The following CDC7 variants were observed in gnomAD, a reference collection of about 807,000 sequenced individuals.
The protein encoded by CDC7 is cell division cycle 7-related protein kinase.
A neutral mutation model predicts 53.5 loss-of-function variants in CDC7; 34 were observed. That is an observed-to-expected ratio of 0.64 (90% CI 0.48 to 0.85). The LOEUF is 0.85. CDC7 is among the 40% of genes least tolerant of loss of function. The pLI is 0.00. For synonymous variants in CDC7, 211 were observed against 222.8 expected (o/e 0.95, Z 0.47); for missense variants, 594 against 679.7 (o/e 0.87, Z 1.40).
intron 6 of CDC7, 84 bp from the exon 7 acceptor site, chr1:91,512,974 T>C: frequency 8.9e-7 from 1 of 1,126,266 alleles, no homozygotes; most frequent in Non-Finnish European, 1.3e-6. Context: ...ATTACAGTTT[T>C]TATGAGGATG....
chr1:91,517,016 G>C (rs896137232), intron 10 of CDC7, among the ~76,000 whole-genome samples: 6 of 152,072 alleles, frequency 3.9e-5, no homozygotes, highest in Non-Finnish European at 5.9e-5. Flanking sequence ...AGTGAGCCAA[G>C]ATCGCACCAT....
chr1:91,511,905 A>G lies in CDC7; in HGVS notation c.554A>G (p.Tyr185Cys), dbSNP rs1571324047. Reference sequence around the variant, plus strand: ...GATGTTAAGCCCAGCAATTTTTTATATAATAGGCGCCTGAAAAAGTAAGTA... The same window carrying G: ...GATGTTAAGCCCAGCAATTTTTTATGTAATAGGCGCCTGAAAAAGTAAGTA... ...HRDVKPSNFL[Y>C]NRRLKKYALV... is the part of the protein sequence containing the mutation. Residue 185 changes from tyrosine to cysteine, a missense_variant, in exon 6 of 12, where the codon TAT becomes TGT. Transcript: ENST00000234626. 1 of 1,584,946 alleles carries G rather than the reference A, an allele frequency of 6.3e-7. No homozygotes were observed. The highest frequency in any genetic ancestry group is 8.6e-7 in the Non-Finnish European group (1 of 1,160,234).
At chr1:91,514,154 G>T in intron 8 of CDC7, 111 bp downstream of exon 8, 1 of 622,742 alleles carries the variant, frequency 1.6e-6, no homozygotes, top group Non-Finnish European at 2.7e-6. Context: ...ACTAGAGTTT[G>T]GCTTTGGCAG....
intron 11 of CDC7, 41 bp from the exon 12 acceptor site, chr1:91,524,000 A>G (rs1668129895): frequency 6.7e-7 from 1 of 1,488,278 alleles, no homozygotes; most frequent in African/African-American, 1.4e-5. Context: ...AAATAATAAA[A>G]TGTTTTTTTC....
Position 91,513,188 on chromosome 1 carries a change from A to G in CDC7, c.703A>G (p.Lys235Glu), listed in dbSNP as rs1206015296. Residue 235 changes from lysine to glutamate, a missense_variant, in exon 7 of 12, where the codon AAG becomes GAG. Coordinates refer to ENST00000234626, the MANE Select transcript of CDC7 (RefSeq NM_003503.4). ...QNKSHIITGN[K>E]IPLSGPVPKE... is the part of the protein sequence containing the mutation. ...CAAATCCCACATAATCACAGGAAAC[A>G]AGATTCCACTGAGTGGCCCAGTACC... 3.1e-6 allele frequency: 5 copies of G among 1,613,826 alleles called. No homozygotes were observed. The highest frequency in any genetic ancestry group is 4.2e-6 in the Non-Finnish European group (5 of 1,179,834).
rs983070555 is a variant in CDC7, at chr1:91,517,650, A to G, written c.1180+1774A>G. Among the ~76,000 whole-genome samples the G allele has an allele frequency of 3.3e-5, 5 of 152,332 alleles. No individual in the cohort carries two copies. In the East Asian group the frequency reaches 9.7e-4, roughly 29 times the overall value. On this transcript the variant is annotated intron_variant, in intron 10 of 11. Coordinates refer to ENST00000234626, the MANE Select transcript of CDC7 (RefSeq NM_003503.4). ...TGGGCTAGAAATACAGATGAATGTC[A>G]TCATTATATAAATGACAGTTGAAGC...
chr1:91,515,951 T>A, intron 10 of CDC7, 75 bp downstream of exon 10: 1 of 1,180,088 alleles, frequency 8.5e-7, no homozygotes, highest in Non-Finnish European at 1.2e-6. Context: ...GATCTTTGTC[T>A]ATTTATAACT....
In CDC7 at chr1:91,524,175, A is replaced by G; in HGVS notation, c.1465A>G (p.Ile489Val). 2 of 1,614,076 alleles carry G rather than the reference A, an allele frequency of 1.2e-6. No individual in the cohort carries two copies. The highest frequency in any genetic ancestry group is 1.1e-5 in the South Asian group (1 of 91,080). ...IQGHASHQPA[I>V]SEKTDHKASC... ...AGGGCATGCTTCTCATCAACCAGCT[A>G]TTTCAGAGAAGACTGACCATAAAGC... The change falls in exon 12 of 12, where the codon ATT (isoleucine) becomes GTT (valine). Residue 489 changes from isoleucine to valine, a missense_variant. Coordinates refer to ENST00000234626, the MANE Select transcript of CDC7 (RefSeq NM_003503.4).
In CDC7 at chr1:91,524,820, G is replaced by C. The variant is rs1204256078; in HGVS notation, c.*385G>C. On this transcript the variant is annotated 3_prime_UTR_variant, in exon 12 of 12. Coordinates refer to ENST00000234626, the MANE Select transcript of CDC7 (RefSeq NM_003503.4). ...AAGACTTAATTTGTAGATTCTTTTAGAGTTATGAGCTAGGTATAGTTTGGG... is the reference window on the plus strand; with the variant it reads ...AAGACTTAATTTGTAGATTCTTTTACAGTTATGAGCTAGGTATAGTTTGGG... 1 of 162,162 alleles carries C rather than the reference G, an allele frequency of 6.2e-6. No individual in the cohort carries two copies. The highest frequency in any genetic ancestry group is 1.3e-5 in the Non-Finnish European group (1 of 74,918). The allele number at this position is 162,162 out of a possible 1,614,324, so 10.0% of individuals were successfully genotyped here.
Position 91,511,775 on chromosome 1 carries a change from T to C in CDC7, c.430-6T>C. On this transcript the variant is annotated splice_region_variant and splice_polypyrimidine_tract_variant and intron_variant, in intron 5 of 11. Transcript: ENST00000234626. ...GTAACTCATTTCATTTGTAACTTTG[T>C]TTTAGGACATTCTGAATTCTCTTTC... is the stretch of plus-strand genomic sequence containing the variant. 1 of 1,602,910 alleles carries C rather than the reference T, an allele frequency of 6.2e-7. No homozygotes were observed. The highest frequency in any genetic ancestry group is 8.5e-7 in the Non-Finnish European group (1 of 1,172,200).
At chr1:91,521,614 A>G (rs1557601847) in intron 11 of CDC7, among the ~76,000 whole-genome samples, 2 of 152,250 alleles carry the variant, frequency 1.3e-5, no homozygotes, top group South Asian at 4.1e-4. Context: ...ACATAATAAT[A>G]TAACAAGTAT....
rs1381176875 is a variant in CDC7, at chr1:91,501,676, G to C, written c.-41G>C. Reference sequence around the variant, plus strand: ...CAGCTGCTTTGCTCCCCCTGTGGATGTAACCCCTTAGCTGGCATTTTGCAT... The same window carrying C: ...CAGCTGCTTTGCTCCCCCTGTGGATCTAACCCCTTAGCTGGCATTTTGCAT... On this transcript the variant is annotated 5_prime_UTR_variant, in exon 2 of 12. It removes an upstream start codon present in the reference 5' UTR. Transcript: ENST00000234626. 2 of 1,420,288 alleles carry C rather than the reference G, an allele frequency of 1.4e-6. No individual in the cohort carries two copies. The highest frequency in any genetic ancestry group is 4.5e-5 in the East Asian group (2 of 43,982). The allele number at this position is 1,420,288 out of a possible 1,614,324, so 88.0% of individuals were successfully genotyped here.
intron 11 of CDC7, among the ~76,000 whole-genome samples, chr1:91,522,289 A>G (rs1008529945): frequency 2.6e-5 from 4 of 152,226 alleles, no homozygotes; most frequent in South Asian, 2.1e-4. Flanking sequence ...CAAAATTTCA[A>G]CAAACACAAC....
At chr1:91,508,222 A>T (rs1242017032) in intron 3 of CDC7, 40 bp from the exon 4 acceptor site, 1 of 1,523,404 alleles carries the variant, frequency 6.6e-7, no homozygotes, top group Non-Finnish European at 8.9e-7. Context: ...TAACATTTTT[A>T]AAAACCAGAT....
intron 4 of CDC7, among the ~76,000 whole-genome samples, chr1:91,511,123 T>A (rs929571470): frequency 3.9e-5 from 6 of 152,140 alleles, no homozygotes; most frequent in African/African-American, 1.2e-4. Flanking sequence ...TCTCTATTGT[T>A]TTCTTACTCA....
In CDC7 at chr1:91,524,470, GT is replaced by G. The variant is rs1306424651; in HGVS notation, c.*36del. On this transcript the variant is annotated 3_prime_UTR_variant, in exon 12 of 12. Transcript: ENST00000234626. Reference sequence around the variant, plus strand: ...TTCATTTAATGTTTACTGTTATGAGGTAGAATAAAAAAGAATACTTTGTAAT... The same window carrying G: ...TTCATTTAATGTTTACTGTTATGAGGAGAATAAAAAAGAATACTTTGTAAT... 1 of 1,504,320 alleles carries G rather than the reference GT, an allele frequency of 6.6e-7. No homozygotes were observed. Among genetic ancestry groups the G allele is most frequent in the Non-Finnish European group, 9.0e-7 (1 of 1,116,006 alleles). The allele number at this position is 1,504,320 out of a possible 1,614,324, so 93.2% of individuals were successfully genotyped here. A position where few individuals can be genotyped will look rare whatever the true frequency, so the allele number is the denominator to read the frequency against.
In CDC7 at chr1:91,524,466, T is replaced by A. The variant is rs373013229; in HGVS notation, c.*31T>A. The A allele has an allele frequency of 9.9e-6, 15 of 1,512,534 alleles. No individual in the cohort carries two copies. The highest frequency in any genetic ancestry group is 1.3e-5 in the Non-Finnish European group (15 of 1,121,420). The allele number at this position is 1,512,534 out of a possible 1,614,324, so 93.7% of individuals were successfully genotyped here. ...GATCTTCATTTAATGTTTACTGTTA[T>A]GAGGTAGAATAAAAAAGAATACTTT... On this transcript the variant is annotated 3_prime_UTR_variant, in exon 12 of 12. Coordinates refer to ENST00000234626, the MANE Select transcript of CDC7 (RefSeq NM_003503.4).
At chr1:91,515,079 G>A in intron 9 of CDC7, 82 bp downstream of exon 9, 1 of 1,209,354 alleles carries the variant, frequency 8.3e-7, no homozygotes, top group Non-Finnish European at 1.2e-6. Flanking sequence ...AATTTTGTGA[G>A]TGCAAGGGAT....
At chr1:91,508,984 A>G (rs992648864) in intron 4 of CDC7, among the ~76,000 whole-genome samples, 2 of 152,096 alleles carry the variant, frequency 1.3e-5, no homozygotes, top group Non-Finnish European at 2.9e-5. Context: ...CTCTATGCTA[A>G]ACTGGAAACT....
Sources: gnomAD v4.1 joint callset for allele counts (sites outside exome capture counted in the v4.1 genomes callset) on GRCh38, gnomAD v4.1.1 for gene constraint, MANE v1.5 for transcripts, NCBI Gene and HGNC (gene_info 2026-07-23, HGNC 2026-07-21) for gene names.